Variants in GNE observed in about 807,000 individuals in gnomAD.
The protein encoded by GNE is bifunctional UDP-N-acetylglucosamine 2-epimerase/N-acetylmannosamine kinase.
In GNE, 41 loss-of-function variants were observed where a neutral mutation model predicts 61.8. The ratio of observed to expected loss-of-function variants is 0.66; its 90% CI spans 0.52 to 0.86. GNE has a LOEUF of 0.86. Ranked by LOEUF, GNE falls within the 40% of genes least tolerant of loss-of-function variation. The pLI is 0.00. For synonymous variants in GNE, 264 were observed against 326.4 expected, an observed-to-expected ratio of 0.81 and a Z score of 2.06; for missense variants, 608 against 909.1, an observed-to-expected ratio of 0.67 and a Z score of 4.26.
rs190099685 is a variant in GNE, at chr9:36,270,675, G to A, written c.51+6219C>T. ...TGGGACTGCAGGCGCCCGCCACCGC[G>A]CCCGGCTAATGTTTTGTATTTTTAG... On this transcript the variant is annotated intron_variant, in intron 1 of 11. Transcript: ENST00000396594. 2.9e-3 allele frequency among the ~76,000 whole-genome samples: 445 copies of A among 152,136 alleles called. 1 individual carries two copies. The highest frequency in any genetic ancestry group is 9.9e-3 in the African/African-American group (411 of 41,530).
chr9:36,254,076 G>A (rs773109103), intron 1 of GNE, among the ~76,000 whole-genome samples: 2 of 151,612 alleles, frequency 1.3e-5, no homozygotes, highest in Non-Finnish European at 2.9e-5. Context: ...ATGGTAGCGC[G>A]TGCCTGTAAT....
rs368100600 is a variant in GNE, at chr9:36,218,176, T to G, written c.1933+7A>C. 6.3e-7 allele frequency: 1 copy of G among 1,596,812 alleles called. No individual in the cohort carries two copies. Among genetic ancestry groups the G allele is most frequent in the Non-Finnish European group, 8.6e-7 (1 of 1,164,198 alleles). ...TGCAGCACAGCCACCTGCAGCCACA[T>G]GCTCACCTGTTCTTAGGATGCTCTG... On this transcript the variant is annotated splice_region_variant and intron_variant, in intron 11 of 11. Coordinates refer to ENST00000642385, the MANE Select transcript of GNE (RefSeq NM_005476.7). This position sits in a 1 kb window ranked among gnomAD's most constrained non-coding sequence, Gnocchi z 4.1.
chr9:36,217,917 C>A (rs1436028088), intron 11 of GNE, among the ~76,000 whole-genome samples: 1 of 152,268 alleles, frequency 6.6e-6, no homozygotes, highest in East Asian at 1.9e-4. Context: ...TACAACTGTC[C>A]TATATTTCTC....
intron 1 of GNE, among the ~76,000 whole-genome samples, chr9:36,272,417 C>T (rs968286789): frequency 5.9e-5 from 9 of 151,330 alleles, no homozygotes; most frequent in Non-Finnish European, 1.2e-4. Context: ...TTCAGGAGAT[C>T]GAGACCATCC....
chr9:36,255,898 A>T (rs768967513), intron 1 of GNE, among the ~76,000 whole-genome samples: 70 of 152,256 alleles, frequency 4.6e-4, no homozygotes, highest in Non-Finnish European at 8.2e-4. Flanking sequence ...TCTTGAACTC[A>T]CTGGCAATCG....
intron 2 of GNE, among the ~76,000 whole-genome samples, chr9:36,247,311 T>TC (rs1351202841): frequency 6.6e-6 from 1 of 152,150 alleles, no homozygotes; most frequent in Non-Finnish European, 1.5e-5. Context: ...CGCCTCGTCC[T>TC]CCCAAAGTGC....
At chr9:36,249,753 G>A (rs559515174) in intron 1 of GNE, among the ~76,000 whole-genome samples, 30 of 151,954 alleles carry the variant, frequency 2.0e-4, no homozygotes, top group Non-Finnish European at 3.5e-4. Flanking sequence ...GCGTGGTGGC[G>A]GGTACCTGTA....
chr9:36,227,956 C>T (rs1324370767), intron 6 of GNE, among the ~76,000 whole-genome samples: 1 of 150,564 alleles, frequency 6.6e-6, no homozygotes, highest in Non-Finnish European at 1.5e-5. Flanking sequence ...CTGCTTGAAC[C>T]CGGGAAGCGG....
At chr9:36,228,722 A>G (rs1829004072) in intron 6 of GNE, among the ~76,000 whole-genome samples, 1 of 141,160 alleles carries the variant, frequency 7.1e-6, no homozygotes, top group Admixed American at 7.9e-5. Flanking sequence ...TGAACCCAGG[A>G]GGCGGAGGTT....
In GNE at chr9:36,252,282, G is replaced by A. The variant is rs1830136341; in HGVS notation, c.-42-2885C>T. Among the ~76,000 whole-genome samples, 5 of 152,112 alleles carry A rather than the reference G, an allele frequency of 3.3e-5. No homozygotes were observed. In the South Asian group the frequency reaches 1.0e-3, roughly 32 times the overall value. The stretch of plus-strand genomic sequence containing the variant: ...TTACAGGCATGAGCCACCGCACGTG[G>A]CCGCACTATCTAATCTTTAAAGAGA... On this transcript the variant is annotated intron_variant, in intron 1 of 11. Transcript: ENST00000642385.
chr9:36,232,345 C>CCCCCCCCCCCCCA (rs1554660756), intron 5 of GNE, among the ~76,000 whole-genome samples: 1 of 126,388 alleles, frequency 7.9e-6, no homozygotes, highest in African/African-American at 3.3e-5. Context: ...CGCCCCCCCT[C>CCCCCCCCCCCCCA]CCGACATTCC....
At chr9:36,232,316 G>C (rs998607956) in intron 5 of GNE, among the ~76,000 whole-genome samples, 12 of 150,376 alleles carry the variant, frequency 8.0e-5, no homozygotes, top group African/African-American at 2.7e-4. Context: ...TGGTCTCCCT[G>C]CTTTTATTCT....
Position 36,249,207 on chromosome 9 carries a change from A to G in GNE, c.149T>C (p.Leu50Pro). Residue 50 changes from leucine (L) to proline (P), a missense_variant, in exon 2 of 12, where the codon CTG becomes CCG. By Grantham distance (98) the Leu-to-Pro change is moderately conservative (BLOSUM62 -3). Coordinates refer to ENST00000642385, the MANE Select transcript of GNE (RefSeq NM_005476.7). Reference protein sequence around the residue: ...ELDVVVLGSHLIDDYGNTYRM... With the variant: ...ELDVVVLGSHPIDDYGNTYRM... ...TTCATCTTACCCATAGTCATCTATCAGGTGAGAGCCAAGTACCACAACATC... is the reference window on the plus strand; with the variant it reads ...TTCATCTTACCCATAGTCATCTATCGGGTGAGAGCCAAGTACCACAACATC... 1 of 1,612,438 alleles carries G rather than the reference A, an allele frequency of 6.2e-7. No homozygotes were observed. The highest frequency in any genetic ancestry group is 8.5e-7 in the Non-Finnish European group (1 of 1,178,382).
chr9:36,256,490 C>G (rs1197608813), intron 1 of GNE, among the ~76,000 whole-genome samples: 1 of 151,800 alleles, frequency 6.6e-6, no homozygotes, highest in Non-Finnish European at 1.5e-5. Flanking sequence ...GGTGATCCGC[C>G]TGCATTGGCC....
At chr9:36,241,672 C>T (rs535520082) in intron 3 of GNE, among the ~76,000 whole-genome samples, 1 of 152,076 alleles carries the variant, frequency 6.6e-6, no homozygotes, top group Non-Finnish European at 1.5e-5. Flanking sequence ...TTGTAAAGTC[C>T]TATATTTACT....
chr9:36,253,568 G>A (rs1471197192), intron 1 of GNE, among the ~76,000 whole-genome samples: 2 of 151,382 alleles, frequency 1.3e-5, no homozygotes, highest in Non-Finnish European at 2.9e-5. Context: ...ATGAGCCACC[G>A]CGCCCAGCCA....
upstream of GNE, among the ~76,000 whole-genome samples, chr9:36,261,407 G>C (rs1409126776): frequency 6.6e-6 from 1 of 151,658 alleles, no homozygotes; most frequent in African/African-American, 2.4e-5. Context: ...AGCAAAATTA[G>C]CCGGGGATGG....
chr9:36,241,356 C>T (rs1243966810), intron 3 of GNE, among the ~76,000 whole-genome samples: 1 of 152,220 alleles, frequency 6.6e-6, no homozygotes, highest in Admixed American at 6.5e-5. Context: ...ACCTTGTGAT[C>T]TGCCCGCCTC....
chr9:36,267,133 C>T (rs1244606555), intron 1 of GNE, among the ~76,000 whole-genome samples: 2 of 152,174 alleles, frequency 1.3e-5, no homozygotes, highest in Admixed American at 6.5e-5. Context: ...TTAAGCTTTG[C>T]AAGAGCATAA....
Sources: allele counts gnomAD v4.1 joint callset (sites outside exome capture counted in the v4.1 genomes callset), GRCh38; gene constraint gnomAD v4.1.1; non-coding constraint Gnocchi (gnomAD v3.1); transcripts MANE v1.5; gene names NCBI Gene and HGNC (gene_info 2026-07-23, HGNC 2026-07-21).